The following PAPPA2 variants were observed in gnomAD, a reference collection of about 807,000 sequenced individuals.
PAPPA2 encodes the protein pappalysin-2.
PAPPA2 carries 86 observed loss-of-function variants against 176.4 expected under a neutral mutation model. The ratio of observed to expected loss-of-function variants is 0.49; its 90% CI spans 0.41 to 0.58. The LOEUF is 0.58. Among genes scored for constraint, PAPPA2 ranks in the 20% least tolerant of loss-of-function variants. The probability of loss-of-function intolerance (pLI) is 0.00; values close to 1 mark genes in which losing one functional copy is unlikely to be tolerated. For missense variants in PAPPA2, 2,073 were observed against 2,256.9 expected (o/e 0.92, Z 1.65); for synonymous variants, 809 against 852.2 (o/e 0.95, Z 0.88).
rs540300285 is a variant in PAPPA2, at chr1:176,843,560, C to G, written c.*1106C>G. 1 of 152,272 alleles carries G rather than the reference C, an allele frequency of 6.6e-6. No individual in the cohort carries two copies. Among genetic ancestry groups the G allele is most frequent in the Admixed American group, 6.5e-5 (1 of 15,286 alleles). 9.4% of individuals were successfully genotyped at this position (152,272 alleles called of 1,614,324 possible). On this transcript the variant is annotated 3_prime_UTR_variant, in exon 23 of 23. Transcript: ENST00000367662. ...CCAGGATTACAGGAACTCACACACT[C>G]CTCATACTTGGCCTGTAGTCCTACT...
At chr1:176,799,537 G>A (rs935388402) in intron 20 of PAPPA2, among the ~76,000 whole-genome samples, 1 of 152,138 alleles carries the variant, frequency 6.6e-6, no homozygotes, top group Admixed American at 6.5e-5. Flanking sequence ...ATTACAGAGT[G>A]CAATTTCACC....
In PAPPA2 at chr1:176,556,833, A is replaced by G; in HGVS notation, c.511A>G (p.Thr171Ala). 1 of 1,614,044 alleles carries G rather than the reference A, an allele frequency of 6.2e-7. No homozygotes were observed. The highest frequency in any genetic ancestry group is 8.5e-7 in the Non-Finnish European group (1 of 1,180,022). The change falls in exon 2 of 23, where the codon ACT (threonine) becomes GCT (alanine). Residue 171 changes from threonine to alanine, a missense_variant. By Grantham distance (58) the Thr-to-Ala change is moderately conservative. Transcript: ENST00000367662. ...GIQKGSAMAA[T>A]TTTAIFTTLN... The stretch of plus-strand genomic sequence containing the variant: ...TCAGAAAGGCTCAGCCATGGCTGCC[A>G]CTACTACCACCGCCATTTTCACAAC...
In PAPPA2 at chr1:176,692,154, T is replaced by C; in HGVS notation, c.2460T>C (p.Pro820=). Residue 820 remains proline (P), a synonymous_variant, in exon 6 of 23, where the codon CCT becomes CCC. Transcript: ENST00000367662. ...TDDNCTDNFT[P]NQVARMHCYL... ...ATAACTGCACTGACAACTTCACTCC[T>C]AACCAAGTGGCCCGAATGCATTGCT... 6.2e-7 allele frequency: 1 copy of C among 1,613,940 alleles called. No homozygotes were observed. The highest frequency in any genetic ancestry group is 1.3e-5 in the African/African-American group (1 of 75,036).
In PAPPA2 at chr1:176,595,250, T is replaced by C; in HGVS notation, c.1646T>C (p.Leu549Pro). 1 of 1,614,246 alleles carries C rather than the reference T, an allele frequency of 6.2e-7. No homozygotes were observed. The highest frequency in any genetic ancestry group is 8.5e-7 in the Non-Finnish European group (1 of 1,180,044). Residue 549 changes from leucine (L) to proline (P), a missense_variant, in exon 3 of 23, where the codon CTG (leucine) becomes CCG (proline). Leu to Pro is a moderately conservative substitution (Grantham distance 98). Coordinates refer to ENST00000367662, the MANE Select transcript of PAPPA2 (RefSeq NM_020318.3). ...NPIVSEEQIR[L>P]QHEALNEAFS... ...ATTGTGAGTGAGGAGCAGATTCGTC[T>C]GCAGCACGAGGCACTGAATGAGGCC...
rs548686372 is a variant in PAPPA2, at chr1:176,687,423, A to G, written c.2138-2714A>G. ...TTTATTGAAAGATGGCTGTTGCAAAATATTTTTAGATTTGGAAACATCTCA... is the reference window on the plus strand; with the variant it reads ...TTTATTGAAAGATGGCTGTTGCAAAGTATTTTTAGATTTGGAAACATCTCA... On this transcript the variant is annotated intron_variant, in intron 4 of 22. Coordinates refer to ENST00000367662, the MANE Select transcript of PAPPA2 (RefSeq NM_020318.3). Among the ~76,000 whole-genome samples, 38 of 152,096 alleles carry G rather than the reference A, an allele frequency of 2.5e-4. 1 individual carries two copies. Among genetic ancestry groups the G allele is most frequent in the Admixed American group, 7.2e-4 (11 of 15,246 alleles).
intron 1 of PAPPA2, among the ~76,000 whole-genome samples, chr1:176,538,672 C>T (rs530878253): frequency 6.6e-6 from 1 of 152,260 alleles, no homozygotes; most frequent in Non-Finnish European, 1.5e-5. Flanking sequence ...CCATCTCCAC[C>T]CATGGTGGCC....
chr1:176,699,588 G>T lies in PAPPA2; in HGVS notation c.3235G>T (p.Val1079Leu). The T allele has an allele frequency of 2.5e-6, 4 of 1,597,210 alleles. No homozygotes were observed. The South Asian group carries it at 4.5e-5, about 18-fold the overall frequency. Residue 1079 changes from valine to leucine, a missense_variant and splice_region_variant, in exon 8 of 23, where the codon GTG becomes TTG. Physicochemically the swap from Val to Leu is conservative, Grantham distance 32 (BLOSUM62 1). Coordinates refer to ENST00000367662, the MANE Select transcript of PAPPA2 (RefSeq NM_020318.3). ...VTHSHRKFTD[V>L]EVTPGQMYQY... ...ACATTCTCACAGGAAGTTCACGGAC[G>T]TGTGAGTTTGGTAGCATGACTATGG...
Position 176,829,286 on chromosome 1 carries a change from G to GAGAGAGCAT in PAPPA2, c.5203-10887_5203-10886insAGAGAGCAT, listed in dbSNP as rs1177696389. Among the ~76,000 whole-genome samples the GAGAGAGCAT allele has an allele frequency of 2.5e-3, 373 of 149,696 alleles. 1 individual carries two copies. The highest frequency in any genetic ancestry group is 8.7e-3 in the African/African-American group (352 of 40,626). ...AAGGAGGGAGAGAATGAGAGAGAAT[G>GAGAGAGCAT]GGGAAAAAAAAAAAGATGCTCAGCA... On this transcript the variant is annotated intron_variant, in intron 21 of 22. Transcript: ENST00000367662.
At chr1:176,683,084 T>G (rs1659666957) in intron 4 of PAPPA2, among the ~76,000 whole-genome samples, 1 of 151,916 alleles carries the variant, frequency 6.6e-6, no homozygotes, top group African/African-American at 2.4e-5. Context: ...GGAATCATTC[T>G]CTTTACCATG....
chr1:176,518,129 A>T (rs1174112047), intron 1 of PAPPA2, among the ~76,000 whole-genome samples: 5 of 152,132 alleles, frequency 3.3e-5, no homozygotes, highest in African/African-American at 4.8e-5. Context: ...ATATCTACCT[A>T]CCTACTTACC....
chr1:176,485,845 A>G (rs1467515587), intron 1 of PAPPA2, among the ~76,000 whole-genome samples: 2 of 152,210 alleles, frequency 1.3e-5, no homozygotes, highest in African/African-American at 4.8e-5. Context: ...ATCTTTTTAT[A>G]TACATGAAAT....
At chr1:176,726,316 A>G (rs565258711) in intron 12 of PAPPA2, among the ~76,000 whole-genome samples, 1 of 152,288 alleles carries the variant, frequency 6.6e-6, no homozygotes, top group South Asian at 2.1e-4. Context: ...AAGTCCCTGT[A>G]TACTCCACTG....
At chr1:176,507,367 A>G (rs557656254) in intron 1 of PAPPA2, among the ~76,000 whole-genome samples, 3 of 152,284 alleles carry the variant, frequency 2.0e-5, no homozygotes, top group East Asian at 3.9e-4. Flanking sequence ...CCACTGTGGA[A>G]AGCAGTTTGG....
chr1:176,568,574 C>T (rs907069506), intron 2 of PAPPA2, among the ~76,000 whole-genome samples: 1 of 152,112 alleles, frequency 6.6e-6, no homozygotes, highest in Non-Finnish European at 1.5e-5. Context: ...GTGAAGAGCC[C>T]CAACCTTCCT....
chr1:176,721,974 A>T (rs1413145412), intron 12 of PAPPA2, among the ~76,000 whole-genome samples: 1 of 151,762 alleles, frequency 6.6e-6, no homozygotes, highest in Non-Finnish European at 1.5e-5. Context: ...ACACTGAGCT[A>T]TCTTCTGTTT....
At chr1:176,767,577 A>G (rs1283551429) in intron 15 of PAPPA2, among the ~76,000 whole-genome samples, 1 of 151,814 alleles carries the variant, frequency 6.6e-6, no homozygotes, top group East Asian at 2.0e-4. Flanking sequence ...CCATCTGCTG[A>G]CCTCGTGATC....
chr1:176,784,336 T>G (rs896596073), intron 17 of PAPPA2, among the ~76,000 whole-genome samples: 1 of 152,076 alleles, frequency 6.6e-6, no homozygotes, highest in Non-Finnish European at 1.5e-5. Context: ...ATAAAACCAG[T>G]TTTTTCATTA....
intron 3 of PAPPA2, among the ~76,000 whole-genome samples, chr1:176,650,739 A>G (rs925093031): frequency 2.7e-5 from 4 of 149,974 alleles, no homozygotes; most frequent in Middle Eastern, 3.4e-3. Flanking sequence ...TGCTACTGCC[A>G]TTTCTTGCTT....
intron 3 of PAPPA2, among the ~76,000 whole-genome samples, chr1:176,644,309 C>T (rs1454034790): frequency 6.6e-6 from 1 of 151,656 alleles, no homozygotes; most frequent in East Asian, 2.0e-4. Context: ...ATCAGAAGGG[C>T]CCAAAGAGCT....
Sources: allele counts gnomAD v4.1 joint callset (sites outside exome capture counted in the v4.1 genomes callset), GRCh38; gene constraint gnomAD v4.1.1; transcripts MANE v1.5; gene names NCBI Gene and HGNC (gene_info 2026-07-23, HGNC 2026-07-21).